The following CAMTA1 variants were observed in gnomAD, a reference collection of about 807,000 sequenced individuals.
The protein encoded by CAMTA1 is calmodulin-binding transcription activator 1.
A neutral mutation model predicts 170.9 loss-of-function variants in CAMTA1; 27 were observed. The observed-to-expected ratio is 0.16, with a 90% CI of 0.12 to 0.22. The LOEUF (loss-of-function observed/expected upper bound fraction) is 0.22. Among genes scored for constraint, CAMTA1 ranks in the 10% least tolerant of loss-of-function variants. The pLI is 1.00. For synonymous variants in CAMTA1, 833 were observed against 891.5 expected (o/e 0.93, Z 1.17); for missense variants, 1,619 against 2,217.2 (o/e 0.73, Z 5.42).
chr1:7,766,685 C>T lies in CAMTA1; in HGVS notation c.*194C>T. Reference sequence around the variant, plus strand: ...TTTAACAGGAATGTTTTGGTCATTGCATTTGCACTTTCATGGACAACTTTT... The same window carrying T: ...TTTAACAGGAATGTTTTGGTCATTGTATTTGCACTTTCATGGACAACTTTT... On this transcript the variant is annotated 3_prime_UTR_variant, in exon 23 of 23. Transcript: ENST00000303635. 2 of 519,950 alleles carry T rather than the reference C, an allele frequency of 3.8e-6. No homozygotes were observed. The highest frequency in any genetic ancestry group is 6.9e-6 in the Non-Finnish European group (2 of 290,304). 32.2% of individuals were successfully genotyped at this position (519,950 alleles called of 1,614,324 possible).
At chr1:7,452,499 C>T (rs1287174174) in intron 5 of CAMTA1, among the ~76,000 whole-genome samples, 2 of 152,250 alleles carry the variant, frequency 1.3e-5, no homozygotes, top group Non-Finnish European at 2.9e-5. Context: ...CAAAGGGAAA[C>T]TCCCAATGCA....
chr1:7,440,533 G>A (rs923125476), intron 5 of CAMTA1, among the ~76,000 whole-genome samples: 2 of 152,246 alleles, frequency 1.3e-5, no homozygotes, highest in Admixed American at 6.5e-5. Flanking sequence ...TCCAAAATTA[G>A]TCTTTCTCTG....
chr1:7,400,814 C>T (rs2089842417), intron 5 of CAMTA1, among the ~76,000 whole-genome samples: 1 of 152,148 alleles, frequency 6.6e-6, no homozygotes, highest in Non-Finnish European at 1.5e-5. Flanking sequence ...GCTGATCCAC[C>T]CCACTTGGGT....
chr1:7,361,423 G>T (rs2085527042), intron 5 of CAMTA1, among the ~76,000 whole-genome samples: 1 of 152,198 alleles, frequency 6.6e-6, no homozygotes, highest in Admixed American at 6.5e-5. Context: ...TGACCTTCTA[G>T]CTGACATTTG....
chr1:7,001,515 C>G (rs2100627196), intron 3 of CAMTA1, among the ~76,000 whole-genome samples: 1 of 152,370 alleles, frequency 6.6e-6, no homozygotes, highest in East Asian at 1.9e-4. Flanking sequence ...AGTCCTGCTT[C>G]TGTCCCCTGG....
At chr1:7,485,156 C>T (rs561205391) in intron 6 of CAMTA1, among the ~76,000 whole-genome samples, 2 of 152,332 alleles carry the variant, frequency 1.3e-5, no homozygotes, top group South Asian at 4.1e-4. Context: ...CAGTCCCCCA[C>T]CCTTTCCTGG....
chr1:7,739,903 G>A (rs969103541), intron 16 of CAMTA1, among the ~76,000 whole-genome samples: 1 of 152,168 alleles, frequency 6.6e-6, no homozygotes, highest in Non-Finnish European at 1.5e-5. Context: ...AATTCAAGAT[G>A]AGATTTCGGT....
chr1:7,067,328 T>C lies in CAMTA1; in HGVS notation c.235-23976T>C, dbSNP rs1262001070. Among the ~76,000 whole-genome samples the C allele has an allele frequency of 2.6e-5, 4 of 152,202 alleles. No homozygotes were observed. The highest frequency in any genetic ancestry group is 5.9e-5 in the Non-Finnish European group (4 of 68,020). On this transcript the variant is annotated intron_variant, in intron 3 of 22. Coordinates refer to ENST00000303635, the MANE Select transcript of CAMTA1 (RefSeq NM_015215.4). This position sits in a 1 kb window ranked among gnomAD's most constrained non-coding sequence, Gnocchi z 4.3. ...CTGGACAGTGCTAGACAAATAGGAC[T>C]CCTTTAACTCCTTAGGAAGTTCCCT...
intron 5 of CAMTA1, among the ~76,000 whole-genome samples, chr1:7,436,680 G>T (rs559341901): frequency 6.6e-6 from 1 of 152,112 alleles, no homozygotes; most frequent in Non-Finnish European, 1.5e-5. Context: ...TGCCCTTCCC[G>T]GGCCTGTGGC....
chr1:7,537,422 G>T (rs1306019868), intron 6 of CAMTA1, among the ~76,000 whole-genome samples: 5 of 152,220 alleles, frequency 3.3e-5, no homozygotes, highest in African/African-American at 1.2e-4. Context: ...GGACAGAGAG[G>T]CCCCTGCCCG....
At position 7,701,367 on chromosome 1, in the gene CAMTA1, G is replaced by C. The variant is rs140111657; in HGVS notation, c.2914+23634G>C. ...AGGATCCACCCCCTGGGTTCATCCT[G>C]AGACCCTCAGCAGGGTTAGGGCTGA... On this transcript the variant is annotated intron_variant, in intron 11 of 22. Coordinates refer to ENST00000303635, the MANE Select transcript of CAMTA1 (RefSeq NM_015215.4). Among the ~76,000 whole-genome samples, 83 of 152,230 alleles carry C rather than the reference G, an allele frequency of 5.5e-4. 1 individual carries two copies. Among genetic ancestry groups the C allele is most frequent in the African/African-American group, 2.0e-3 (82 of 41,526 alleles).
chr1:7,680,187 CG>C lies in CAMTA1; in HGVS notation c.2914+2457del. ...GGGGCCTGGCCATGAACTTTGCGTC[CG>C]GGCCAATGCTGCAGTGGCCGGGCGG... is the stretch of plus-strand genomic sequence containing the variant. On this transcript the variant is annotated intron_variant, in intron 11 of 22. Coordinates refer to ENST00000303635, the MANE Select transcript of CAMTA1 (RefSeq NM_015215.4). This position sits in a 1 kb window ranked among gnomAD's most constrained non-coding sequence, Gnocchi z 4.4. The C allele has an allele frequency of 3.6e-6, 1 of 274,484 alleles. No homozygotes were observed. The highest frequency in any genetic ancestry group is 7.9e-6 in the Non-Finnish European group (1 of 125,794). The allele number at this position is 274,484 out of a possible 1,614,324, so 17.0% of individuals were successfully genotyped here. A position where few individuals can be genotyped will look rare whatever the true frequency, so the allele number is the denominator to read the frequency against.
rs1409545346 is a variant in CAMTA1, at chr1:7,547,682, A to G, written c.510+79781A>G. On this transcript the variant is annotated intron_variant, in intron 6 of 22. Transcript: ENST00000303635. The surrounding 1 kb of genome is among the most constrained non-coding windows in gnomAD (Gnocchi z 5.7). ...ACAAATTCATAAACTTTCCTAAAAC[A>G]TTATGAGACTTTTTTGCAATTTTTT... Among the ~76,000 whole-genome samples, 1 of 143,518 alleles carries G rather than the reference A, an allele frequency of 7.0e-6. No homozygotes were observed. The highest frequency in any genetic ancestry group is 1.5e-5 in the Non-Finnish European group (1 of 67,248). The allele number at this position is 143,518 out of a possible 152,430, so 94.2% of individuals were successfully genotyped here. A position where few individuals can be genotyped will look rare whatever the true frequency, so the allele number is the denominator to read the frequency against.
intron 4 of CAMTA1, among the ~76,000 whole-genome samples, chr1:7,192,931 C>T (rs1654819818): frequency 6.6e-6 from 1 of 152,188 alleles, no homozygotes; most frequent in Admixed American, 6.6e-5. Flanking sequence ...TGCAGAGTCA[C>T]TCCTTGGCTT....
rs567249342 is a variant in CAMTA1 at position 6,854,091 on chromosome 1, C to T, written c.234+28881C>T. 4.6e-5 allele frequency among the ~76,000 whole-genome samples: 7 copies of T among 152,102 alleles called. No individual in the cohort carries two copies. In the East Asian group the frequency reaches 5.8e-4, roughly 13 times the overall value. On this transcript the variant is annotated intron_variant, in intron 3 of 22. Coordinates refer to ENST00000303635, the MANE Select transcript of CAMTA1 (RefSeq NM_015215.4). ...TCAGTGGGTTTATGTGTAATCTAGA[C>T]GTACTACTGTCCTGTGCTTCATAAC...
At chr1:6,889,010 A>G (rs1468238381) in intron 3 of CAMTA1, among the ~76,000 whole-genome samples, 2 of 152,198 alleles carry the variant, frequency 1.3e-5, no homozygotes. Context: ...AACTTCAGTT[A>G]TTTATTACAC....
intron 3 of CAMTA1, among the ~76,000 whole-genome samples, chr1:7,024,288 G>C (rs1488283677): frequency 6.6e-6 from 1 of 151,796 alleles, no homozygotes; most frequent in Admixed American, 6.6e-5. Context: ...ATTGCAGGTG[G>C]AATAAATAAA....
intron 4 of CAMTA1, among the ~76,000 whole-genome samples, chr1:7,140,076 A>C (rs978383237): frequency 6.6e-6 from 1 of 152,240 alleles, no homozygotes; most frequent in Non-Finnish European, 1.5e-5. Flanking sequence ...TCTGTAGAAC[A>C]GGCTCAGAGA....
At chr1:6,997,656 C>CTTTTTTTTTTTTTTTTTTTTTTTTTTT (rs201500847) in intron 3 of CAMTA1, among the ~76,000 whole-genome samples, 1 of 128,412 alleles carries the variant, frequency 7.8e-6, no homozygotes, top group Non-Finnish European at 1.6e-5. Context: ...CCTTTCTTTT[C>CTTTTTTTTTTTTTTTTTTTTTTTTTTT]TTTCTTTTTT....
Sources: gnomAD v4.1 joint callset for allele counts (sites outside exome capture counted in the v4.1 genomes callset) on GRCh38, gnomAD v4.1.1 for gene constraint, Gnocchi (gnomAD v3.1) non-coding constraint, MANE v1.5 for transcripts, NCBI Gene and HGNC (gene_info 2026-07-23, HGNC 2026-07-21) for gene names.